CEP70: variants seen among roughly 807,000 people sequenced by gnomAD.
CEP70 encodes centrosomal protein of 70 kDa.
A neutral mutation model predicts 90.9 loss-of-function variants in CEP70; 70 were observed. That is an observed-to-expected ratio of 0.77 (90% confidence interval 0.64 to 0.94). The LOEUF (loss-of-function observed/expected upper bound fraction) is 0.94. Ranked by LOEUF, CEP70 falls within the 40% of genes least tolerant of loss-of-function variation. The probability of loss-of-function intolerance (pLI) is 0.00; values close to 1 mark genes in which losing one functional copy is unlikely to be tolerated. For missense variants in CEP70, 648 were observed against 669.0 expected, an observed-to-expected ratio of 0.97 and a Z score of 0.35; for synonymous variants, 220 against 228.3, an observed-to-expected ratio of 0.96 and a Z score of 0.33.
chr3:138,574,788 T>C (rs2041401527), intron 2 of CEP70, among the ~76,000 whole-genome samples: 1 of 152,216 alleles, frequency 6.6e-6, no homozygotes, highest in Admixed American at 6.5e-5. Flanking sequence ...CAGCCTCTGC[T>C]GGCGATACCC....
intron 11 of CEP70, among the ~76,000 whole-genome samples, chr3:138,523,797 A>T (rs1185532257): frequency 1.3e-5 from 2 of 151,944 alleles, no homozygotes; most frequent in Non-Finnish European, 2.9e-5. Flanking sequence ...TGGCCATACT[A>T]CCCAAGGTAA....
At chr3:138,525,082 C>G (rs1283998544) in intron 11 of CEP70, among the ~76,000 whole-genome samples, 2 of 152,036 alleles carry the variant, frequency 1.3e-5, no homozygotes, top group Admixed American at 1.3e-4. Flanking sequence ...TACTATGCAG[C>G]CATAAAAAAT....
chr3:138,545,606 G>C (rs983320784), intron 6 of CEP70, among the ~76,000 whole-genome samples: 3 of 152,180 alleles, frequency 2.0e-5, no homozygotes, highest in African/African-American at 7.2e-5. Flanking sequence ...AGGCAGAATA[G>C]AGCCATATTT....
Position 138,572,902 on chromosome 3 carries a change from TG to T in CEP70, c.25del (p.Gln9ArgfsTer11). The T allele has an allele frequency of 6.2e-7, 1 of 1,611,720 alleles. No individual in the cohort carries two copies. Among genetic ancestry groups the T allele is most frequent in the Non-Finnish European group, 8.5e-7 (1 of 1,178,312 alleles). Reference protein sequence around the residue: MFPVAPKPQDSSQPSDRLM... With the variant: MFPVAPKPXDSSQPSDRLM... The stretch of plus-strand genomic sequence containing the variant: ...TCTGTCTGATGGTTGACTGGAATCC[TG>T]GGGTTTAGGGGCTACCGGAAACATA... On this transcript the variant is annotated frameshift_variant, in exon 3 of 18. Transcript: ENST00000264982. LOFTEE classifies it high-confidence loss of function.
At chr3:138,568,335 C>T (rs2040927660) in intron 6 of CEP70, among the ~76,000 whole-genome samples, 1 of 152,190 alleles carries the variant, frequency 6.6e-6, no homozygotes, top group African/African-American at 2.4e-5. Flanking sequence ...CTTTGAAGTG[C>T]TTAAAACCCT....
chr3:138,562,744 C>CA (rs751510232), intron 6 of CEP70, among the ~76,000 whole-genome samples: 10 of 152,106 alleles, frequency 6.6e-5, no homozygotes, highest in Non-Finnish European at 1.0e-4. Context: ...CCAGCCACCG[C>CA]AAAATCATAC....
At chr3:138,577,177 A>G (rs991835736) in intron 2 of CEP70, among the ~76,000 whole-genome samples, 19 of 151,924 alleles carry the variant, frequency 1.3e-4, no homozygotes, top group Non-Finnish European at 2.4e-4. Context: ...GGGGAACATC[A>G]CACACCAGGG....
chr3:138,564,633 G>A (rs1459274120), intron 6 of CEP70, among the ~76,000 whole-genome samples: 10 of 152,070 alleles, frequency 6.6e-5, no homozygotes, highest in African/African-American at 1.9e-4. Flanking sequence ...AAAGGACTTC[G>A]ACAAAATTCA....
intron 7 of CEP70, among the ~76,000 whole-genome samples, chr3:138,536,202 T>C (rs893051117): frequency 6.6e-6 from 1 of 152,144 alleles, no homozygotes; most frequent in Non-Finnish European, 1.5e-5. Context: ...AATATGTATA[T>C]AATATCCATA....
chr3:138,516,393 C>CG (rs1373519847), intron 11 of CEP70, among the ~76,000 whole-genome samples: 1 of 150,576 alleles, frequency 6.6e-6, no homozygotes, highest in African/African-American at 2.4e-5. Context: ...TTTGGGGGGA[C>CG]GGGGGGTGGA....
At chr3:138,558,133 G>A (rs1347974611) in intron 6 of CEP70, among the ~76,000 whole-genome samples, 1 of 152,208 alleles carries the variant, frequency 6.6e-6, no homozygotes, top group African/African-American at 2.4e-5. Flanking sequence ...GCGAGGCCGA[G>A]GCAGGCGGAT....
intron 1 of CEP70, among the ~76,000 whole-genome samples, 170 bp from the exon 2 acceptor site, chr3:138,592,126 C>T (rs113369187): frequency 4.4e-4 from 67 of 152,332 alleles, no homozygotes; most frequent in African/African-American, 1.6e-3. Flanking sequence ...TCATATGCCT[C>T]TTCCCTTCTC....
At chr3:138,527,166 TTTTTG>T (rs199809295) in intron 10 of CEP70, among the ~76,000 whole-genome samples, 2,940 of 151,730 alleles carry the variant, frequency 0.019, 32 homozygotes, top group Middle Eastern at 0.034. Context: ...CTTTTAGAGT[TTTTTG>T]TTTTGTTTTG....
chr3:138,552,847 T>G (rs1286714411), intron 6 of CEP70, among the ~76,000 whole-genome samples: 1 of 151,810 alleles, frequency 6.6e-6, no homozygotes, highest in Non-Finnish European at 1.5e-5. Context: ...TAAATGAAAC[T>G]GAAACAATCA....
At chr3:138,518,673 C>G (rs1242953391) in intron 11 of CEP70, among the ~76,000 whole-genome samples, 1 of 152,118 alleles carries the variant, frequency 6.6e-6, no homozygotes, top group Non-Finnish European at 1.5e-5. Context: ...ACACCAAAAC[C>G]CCATCTGTAC....
chr3:138,496,283 C>A, intron 17 of CEP70: 1 of 985,448 alleles, frequency 1.0e-6, no homozygotes. Context: ...TTAGCCTACA[C>A]ACATAGCCCA....
chr3:138,515,628 T>C (rs897874418), intron 11 of CEP70, among the ~76,000 whole-genome samples: 1 of 152,204 alleles, frequency 6.6e-6, no homozygotes, highest in African/African-American at 2.4e-5. Context: ...TACATGTCCA[T>C]GAATGACTAC....
chr3:138,584,697 T>C (rs2042026378), intron 2 of CEP70, among the ~76,000 whole-genome samples: 1 of 151,878 alleles, frequency 6.6e-6, no homozygotes, highest in African/African-American at 2.4e-5. Context: ...AAAAACCATA[T>C]GATCGTTTCA....
intron 13 of CEP70, among the ~76,000 whole-genome samples, chr3:138,503,627 T>A (rs1237931247): frequency 1.3e-5 from 2 of 152,230 alleles, no homozygotes; most frequent in Non-Finnish European, 2.9e-5. Context: ...GTTACTCCAA[T>A]GGCAGAAGTA....
Sources: gnomAD v4.1 joint callset for allele counts (sites outside exome capture counted in the v4.1 genomes callset) on GRCh38, gnomAD v4.1.1 for gene constraint, MANE v1.5 for transcripts, NCBI Gene and HGNC (gene_info 2026-07-23, HGNC 2026-07-21) for gene names.